KLF9: variants seen among roughly 807,000 people sequenced by gnomAD.
The protein encoded by KLF9 is KLF transcription factor 9.
A neutral mutation model predicts 17.3 loss-of-function variants in KLF9; 2 were observed. That is an observed-to-expected ratio of 0.12 (90% CI 0.05 to 0.36). The LOEUF is 0.36. Among genes scored for constraint, KLF9 ranks in the 10% least tolerant of loss-of-function variants. The pLI is 1.00. For missense variants in KLF9, 226 were observed against 333.2 expected (o/e 0.68, Z 2.51); for synonymous variants, 138 against 139.2 (o/e 0.99, Z 0.06).
At chr9:70,402,489 A>T (rs984557706) in intron 1 of KLF9, among the ~76,000 whole-genome samples, 1 of 152,226 alleles carries the variant, frequency 6.6e-6, no homozygotes, top group Non-Finnish European at 1.5e-5. Context: ...TCCTGTAAAC[A>T]TGATTTGTTT....
At chr9:70,390,265 T>C (rs953339837) in intron 1 of KLF9, among the ~76,000 whole-genome samples, 1 of 152,108 alleles carries the variant, frequency 6.6e-6, no homozygotes, top group Admixed American at 6.5e-5. Context: ...TAAACCCTTA[T>C]GGAGCTCTGA....
chr9:70,409,161 C>CATATATGTATATATAT (rs1564089389), intron 1 of KLF9, among the ~76,000 whole-genome samples: 1 of 55,790 alleles, frequency 1.8e-5, no homozygotes, highest in Non-Finnish European at 4.1e-5. Context: ...TATATATATA[C>CATATATGTATATATAT]ACATATATGT....
In KLF9 at chr9:70,413,592, C is replaced by T; in HGVS notation, c.-229G>A. 5.0e-6 allele frequency: 1 copy of T among 199,406 alleles called. No homozygotes were observed. The highest frequency in any genetic ancestry group is 1.4e-4 in the East Asian group (1 of 7,250). The allele number at this position is 199,406 out of a possible 1,614,324, so 12.4% of individuals were successfully genotyped here. A position where few individuals can be genotyped will look rare whatever the true frequency, so the allele number is the denominator to read the frequency against. On this transcript the variant is annotated 5_prime_UTR_variant, in exon 1 of 2. Transcript: ENST00000377126. This position sits in a 1 kb window ranked among gnomAD's most constrained non-coding sequence, Gnocchi z 5.6. Reference sequence around the variant, plus strand: ...CCTCCGCACGCAGCATCCACGGCCCCGGGCTCCGCCGCGCCGCCGCCTCTA... The same window carrying T: ...CCTCCGCACGCAGCATCCACGGCCCTGGGCTCCGCCGCGCCGCCGCCTCTA...
At chr9:70,412,737 G>T (rs796539364) in intron 1 of KLF9, 122 bp downstream of exon 1, 68 of 901,634 alleles carry the variant, frequency 7.5e-5, no homozygotes, top group African/African-American at 4.3e-4. Flanking sequence ...GAGTTAAACC[G>T]CATCTTATCC....
intron 1 of KLF9, among the ~76,000 whole-genome samples, chr9:70,391,561 T>A (rs1409187054): frequency 6.6e-6 from 1 of 152,150 alleles, no homozygotes; most frequent in African/African-American, 2.4e-5. Flanking sequence ...CTTGTATAAT[T>A]CAAGTTTACC....
rs559953663 is a variant in KLF9 at position 70,408,984 on chromosome 9, CTA to C, written c.505+3873_505+3874del. Among the ~76,000 whole-genome samples, 36 of 99,400 alleles carry C rather than the reference CTA, an allele frequency of 3.6e-4. No homozygotes were observed. In the East Asian group the frequency reaches 8.9e-3, roughly 25 times the overall value. The allele number at this position is 99,400 out of a possible 152,430, so 65.2% of individuals were successfully genotyped here. ...TTTTTTATGTGAGCCTCCTTTTGCACTATATATATATATGTGTATATATATAT... is the reference window on the plus strand; with the variant it reads ...TTTTTTATGTGAGCCTCCTTTTGCACTATATATATATGTGTATATATATAT... On this transcript the variant is annotated intron_variant, in intron 1 of 1. Transcript: ENST00000377126.
chr9:70,411,915 C>T (rs1587744502), intron 1 of KLF9, among the ~76,000 whole-genome samples: 1 of 152,276 alleles, frequency 6.6e-6, no homozygotes, highest in African/African-American at 2.4e-5. Flanking sequence ...TGAATGCTTT[C>T]CAACTTTTAC....
chr9:70,401,195 T>TA (rs1207274717), intron 1 of KLF9, among the ~76,000 whole-genome samples: 2 of 151,186 alleles, frequency 1.3e-5, no homozygotes, highest in African/African-American at 4.9e-5. Flanking sequence ...AAAAATTTTT[T>TA]AAATTAGCTG....
chr9:70,395,301 C>G (rs767194028), intron 1 of KLF9, among the ~76,000 whole-genome samples: 1 of 152,120 alleles, frequency 6.6e-6, no homozygotes, highest in Non-Finnish European at 1.5e-5. Context: ...CTACCTCATA[C>G]TTTTCACTCA....
intron 1 of KLF9, 21 bp from the exon 2 acceptor site, chr9:70,388,026 A>C: frequency 6.3e-7 from 1 of 1,595,062 alleles, no homozygotes. Context: ...GGAATCAGAA[A>C]GGATACAGCT....
chr9:70,400,818 C>T (rs2037216007), intron 1 of KLF9, among the ~76,000 whole-genome samples: 1 of 152,108 alleles, frequency 6.6e-6, no homozygotes, highest in Admixed American at 6.6e-5. Flanking sequence ...AGCTTTTAAC[C>T]CTTCTACTCT....
chr9:70,394,298 T>TACACACACACACAC lies in KLF9; in HGVS notation c.506-6307_506-6294dup, dbSNP rs61688107. On this transcript the variant is annotated intron_variant, in intron 1 of 1. Transcript: ENST00000377126. ...TATTATTCCCCCATTTAACAGCTCA[T>TACACACACACACAC]ACACACACACACACACACACATTTA... is the stretch of plus-strand genomic sequence containing the variant. Among the ~76,000 whole-genome samples the TACACACACACACAC allele has an allele frequency of 4.4e-3, 659 of 150,396 alleles. 9 individuals carry two copies. The highest frequency in any genetic ancestry group is 0.012 in the African/African-American group (493 of 40,946).
At chr9:70,406,120 T>C (rs918765457) in intron 1 of KLF9, among the ~76,000 whole-genome samples, 1 of 151,986 alleles carries the variant, frequency 6.6e-6, no homozygotes, top group African/African-American at 2.4e-5. Context: ...GGAGAGCAAG[T>C]GGGGGGAAAG....
At chr9:70,393,259 G>A (rs945002033) in intron 1 of KLF9, among the ~76,000 whole-genome samples, 12 of 152,222 alleles carry the variant, frequency 7.9e-5, no homozygotes, top group African/African-American at 2.7e-4. Context: ...TGCCTACTTA[G>A]CACAAAAGGA....
Position 70,413,511 on chromosome 9 carries a change from G to T in KLF9, c.-148C>A. The T allele has an allele frequency of 1.2e-6, 1 of 807,626 alleles. No individual in the cohort carries two copies. Among genetic ancestry groups the T allele is most frequent in the South Asian group, 6.1e-5 (1 of 16,294 alleles). 50.0% of individuals were successfully genotyped at this position (807,626 alleles called of 1,614,324 possible). On this transcript the variant is annotated 5_prime_UTR_variant, in exon 1 of 2. Transcript: ENST00000377126. The surrounding 1 kb of genome is among the most constrained non-coding windows in gnomAD (Gnocchi z 5.6). ...GGGGGCGGGGGCGCGGGGCGCTTCCGACTCGCAGGAGCGCCGAGGCGACCT... is the reference window on the plus strand; with the variant it reads ...GGGGGCGGGGGCGCGGGGCGCTTCCTACTCGCAGGAGCGCCGAGGCGACCT...
At position 70,413,409 on chromosome 9, in the gene KLF9, G is replaced by A; in HGVS notation, c.-46C>T. ...AGGCGGCGCGGACAAACTTGGCGGT[G>A]GCTGCGGAGGTTCGGCTCGCCCTGC... is the stretch of plus-strand genomic sequence containing the variant. On this transcript the variant is annotated 5_prime_UTR_variant, in exon 1 of 2. Transcript: ENST00000377126. This position sits in a 1 kb window ranked among gnomAD's most constrained non-coding sequence, Gnocchi z 5.6. The A allele has an allele frequency of 6.9e-7, 1 of 1,448,820 alleles. No individual in the cohort carries two copies. Among genetic ancestry groups the A allele is most frequent in the Non-Finnish European group, 9.1e-7 (1 of 1,103,768 alleles). 89.7% of individuals were successfully genotyped at this position (1,448,820 alleles called of 1,614,324 possible).
chr9:70,406,957 C>CTT (rs560637705), intron 1 of KLF9, among the ~76,000 whole-genome samples: 4 of 137,900 alleles, frequency 2.9e-5, no homozygotes, highest in Non-Finnish European at 4.7e-5. Flanking sequence ...TGCGACAAAG[C>CTT]TTTTTTTTTT....
At chr9:70,404,750 A>C (rs2037245313) in intron 1 of KLF9, among the ~76,000 whole-genome samples, 1 of 152,212 alleles carries the variant, frequency 6.6e-6, no homozygotes, top group Non-Finnish European at 1.5e-5. Context: ...TGGTGTGCTA[A>C]ATGATTTAAA....
rs147205860 is a variant in KLF9, at chr9:70,413,226, C to A, written c.138G>T (p.Glu46Asp). ...LRLPEREVTKEHGDPGDTWKD... is the reference protein window; with the variant it reads ...LRLPEREVTKDHGDPGDTWKD... ...TCCAGGTGTCCCCCGGGTCACCGTG[C>A]TCCTTGGTCACCTCGCGCTCAGGTA... Residue 46 changes from glutamate to aspartate, a missense_variant, in exon 1 of 2, where the codon GAG becomes GAT. Transcript: ENST00000377126. This position sits in a 1 kb window ranked among gnomAD's most constrained non-coding sequence, Gnocchi z 5.6. The A allele has an allele frequency of 0.017, 27,900 of 1,614,022 alleles. 284 individuals carry two copies. Among genetic ancestry groups the A allele is most frequent in the Admixed American group, 0.031 (1,863 of 60,028 alleles).
Sources: allele counts gnomAD v4.1 joint callset (sites outside exome capture counted in the v4.1 genomes callset), GRCh38; gene constraint gnomAD v4.1.1; non-coding constraint Gnocchi (gnomAD v3.1); transcripts MANE v1.5; gene names NCBI Gene and HGNC (gene_info 2026-07-23, HGNC 2026-07-21).